The following DPH6 variants were observed in gnomAD, a reference collection of about 807,000 sequenced individuals.
DPH6 encodes the protein diphthamine biosynthesis 6, also known as diphthine--ammonia ligase.
Under a neutral mutation model 38.2 loss-of-function variants are expected in DPH6, and 33 were observed. The observed-to-expected ratio is 0.86, with a 90% CI of 0.65 to 1.15. DPH6 has a LOEUF of 1.15. DPH6 is among the 50% of genes most tolerant of loss of function. The pLI is 0.00. For missense variants in DPH6, 325 were observed against 320.0 expected, an observed-to-expected ratio of 1.02 and a Z score of -0.12; for synonymous variants, 108 against 103.0, an observed-to-expected ratio of 1.05 and a Z score of -0.30.
chr15:35,466,532 C>CACT (rs1281758516), intron 3 of DPH6, among the ~76,000 whole-genome samples: 1 of 152,002 alleles, frequency 6.6e-6, no homozygotes, highest in Non-Finnish European at 1.5e-5. Context: ...ATACTTAAAC[C>CACT]ACTACTACCA....
At chr15:35,494,339 C>T (rs1412113360) in intron 3 of DPH6, among the ~76,000 whole-genome samples, 5 of 152,080 alleles carry the variant, frequency 3.3e-5, no homozygotes, top group Non-Finnish European at 7.4e-5. Context: ...ACTTTTTGTA[C>T]ATACTCACTG....
intron 3 of DPH6, among the ~76,000 whole-genome samples, chr15:35,324,902 T>C (rs2052269597): frequency 6.6e-6 from 1 of 152,096 alleles, no homozygotes; most frequent in South Asian, 2.1e-4. Context: ...AATTATAAGT[T>C]TAAATAAAAC....
At chr15:35,360,917 C>A (rs2052608855) in intron 3 of DPH6, among the ~76,000 whole-genome samples, 1 of 152,052 alleles carries the variant, frequency 6.6e-6, no homozygotes, top group Non-Finnish European at 1.5e-5. Context: ...AGGCATATCT[C>A]CTACCAGGTC....
At chr15:35,212,222 CT>C in the DPH6 span, among the ~76,000 whole-genome samples, 16 of 148,190 alleles carry the variant, frequency 1.1e-4, no homozygotes, top group East Asian at 2.0e-4. Flanking sequence ...CTGTGGACCA[CT>C]TTTTTTTTTG....
chr15:35,511,186 C>T (rs1449405631), intron 3 of DPH6, among the ~76,000 whole-genome samples: 2 of 152,122 alleles, frequency 1.3e-5, no homozygotes, highest in Non-Finnish European at 2.9e-5. Flanking sequence ...ACTTTCTAAT[C>T]TAAGAGTTTA....
intron 3 of DPH6, among the ~76,000 whole-genome samples, chr15:35,506,217 C>A (rs573920623): frequency 1.3e-5 from 2 of 151,700 alleles, no homozygotes; most frequent in Non-Finnish European, 2.9e-5. Context: ...TATTAAATCA[C>A]CAAAATAGAT....
intron 3 of DPH6, among the ~76,000 whole-genome samples, chr15:35,487,778 A>G (rs1207804987): frequency 2.6e-5 from 4 of 152,196 alleles, no homozygotes; most frequent in Non-Finnish European, 5.9e-5. Context: ...TCTCCCCAGA[A>G]AGTGGGTTTT....
chr15:35,492,756 T>C (rs574545216), intron 3 of DPH6, among the ~76,000 whole-genome samples: 1 of 152,288 alleles, frequency 6.6e-6, no homozygotes, highest in South Asian at 2.1e-4. Context: ...AAATAAGAAA[T>C]CTTGAGTACA....
the DPH6 span, among the ~76,000 whole-genome samples, chr15:35,165,067 G>C: frequency 2.6e-5 from 4 of 151,850 alleles, no homozygotes; most frequent in African/African-American, 9.7e-5. Context: ...ATGGGTAAAA[G>C]ATTGGATGTT....
the DPH6 span, chr15:35,181,791 A>G: frequency 6.6e-6 from 1 of 152,208 alleles, no homozygotes; most frequent in African/African-American, 2.4e-5. Flanking sequence ...CCAACCAGAA[A>G]AGAAGTCACA....
At chr15:35,443,823 C>T (rs1414649253) in intron 5 of DPH6, among the ~76,000 whole-genome samples, 2 of 151,884 alleles carry the variant, frequency 1.3e-5, no homozygotes, top group African/African-American at 4.9e-5. Flanking sequence ...AGGATATGTT[C>T]TCTACAGCCC....
the DPH6 span, among the ~76,000 whole-genome samples, chr15:35,192,419 C>T: frequency 6.6e-6 from 1 of 152,116 alleles, no homozygotes; most frequent in Non-Finnish European, 1.5e-5. Context: ...CCTAACTTGC[C>T]TTTTTGTAGG....
intron 3 of DPH6, among the ~76,000 whole-genome samples, chr15:35,271,895 C>A (rs562280953): frequency 6.6e-6 from 1 of 152,342 alleles, no homozygotes; most frequent in Non-Finnish European, 1.5e-5. Flanking sequence ...TATAACCACA[C>A]AGCTGTGTTT....
chr15:35,394,958 T>C (rs775629930), intron 6 of DPH6, among the ~76,000 whole-genome samples: 9 of 151,966 alleles, frequency 5.9e-5, no homozygotes, highest in Non-Finnish European at 1.3e-4. Flanking sequence ...TCCTGATAGA[T>C]AACAAACCTT....
intron 3 of DPH6, among the ~76,000 whole-genome samples, chr15:35,310,241 C>T (rs1244623638): frequency 2.0e-5 from 3 of 152,110 alleles, no homozygotes; most frequent in East Asian, 1.9e-4. Flanking sequence ...ATAATTGAAG[C>T]ACTAGGCATT....
At chr15:35,230,489 G>A (rs987755482) in intron 3 of DPH6, among the ~76,000 whole-genome samples, 4 of 152,148 alleles carry the variant, frequency 2.6e-5, no homozygotes, top group Non-Finnish European at 5.9e-5. Context: ...AGTCCTGGGA[G>A]CCCCAAGAGT....
chr15:35,173,128 G>A, the DPH6 span, among the ~76,000 whole-genome samples: 1 of 152,076 alleles, frequency 6.6e-6, no homozygotes, highest in African/African-American at 2.4e-5. Flanking sequence ...CAGATTTCTG[G>A]GATCAGTACA....
At chr15:35,405,099 C>A (rs924412892) in intron 6 of DPH6, among the ~76,000 whole-genome samples, 1 of 152,022 alleles carries the variant, frequency 6.6e-6, no homozygotes, top group African/African-American at 2.4e-5. Flanking sequence ...GTTTTTAGGC[C>A]AGTACCATGC....
At chr15:35,182,976 A>AT in the DPH6 span, among the ~76,000 whole-genome samples, 1 of 152,216 alleles carries the variant, frequency 6.6e-6, no homozygotes, top group African/African-American at 2.4e-5. Flanking sequence ...TGCAAAACAA[A>AT]GACTACAACT....
Sources: gnomAD v4.1 joint callset for allele counts (sites outside exome capture counted in the v4.1 genomes callset) on GRCh38, gnomAD v4.1.1 for gene constraint, MANE v1.5 for transcripts, NCBI Gene and HGNC (gene_info 2026-07-23, HGNC 2026-07-21) for gene names.